The following HABP4 variants were observed in gnomAD, a reference collection of about 807,000 sequenced individuals.
HABP4 encodes intracellular hyaluronan-binding protein 4.
In HABP4, 32 loss-of-function variants were observed where a neutral mutation model predicts 44.1. That is an observed-to-expected ratio of 0.73 (90% CI 0.55 to 0.97). The LOEUF is 0.97. HABP4 is among the 50% of genes least tolerant of loss of function. HABP4 has a pLI of 0.00. For synonymous variants in HABP4, 216 were observed against 218.0 expected (o/e 0.99, Z 0.08); for missense variants, 503 against 561.9 (o/e 0.90, Z 1.06).
At chr9:96,485,105 T>C (rs1169119017) in intron 6 of HABP4, among the ~76,000 whole-genome samples, 1 of 151,764 alleles carries the variant, frequency 6.6e-6, no homozygotes, top group Non-Finnish European at 1.5e-5. Context: ...CAGGCTGGAG[T>C]GCAGTGGCGC....
At chr9:96,468,472 G>A (rs2131135654) in intron 4 of HABP4, among the ~76,000 whole-genome samples, 1 of 152,110 alleles carries the variant, frequency 6.6e-6, no homozygotes, top group East Asian at 1.9e-4. Flanking sequence ...TGTTAGCCAG[G>A]ATGGTCTCAA....
intron 2 of HABP4, among the ~76,000 whole-genome samples, chr9:96,464,091 C>G (rs1468170345): frequency 2.0e-5 from 3 of 152,152 alleles, no homozygotes. Flanking sequence ...GTCCTGGGTC[C>G]AGGCTCTGAT....
intron 6 of HABP4, among the ~76,000 whole-genome samples, chr9:96,487,111 A>C (rs1172181344): frequency 6.6e-6 from 1 of 151,996 alleles, no homozygotes; most frequent in Non-Finnish European, 1.5e-5. Context: ...GCTTTATTTT[A>C]ACCTGAGACC....
At chr9:96,461,305 G>C (rs993481155) in intron 2 of HABP4, among the ~76,000 whole-genome samples, 1 of 152,032 alleles carries the variant, frequency 6.6e-6, no homozygotes, top group African/African-American at 2.4e-5. Flanking sequence ...TAATAATGGG[G>C]GGAGGGTAAA....
intron 5 of HABP4, among the ~76,000 whole-genome samples, chr9:96,477,266 A>G (rs1433878548): frequency 2.0e-5 from 3 of 152,350 alleles, no homozygotes; most frequent in East Asian, 1.9e-4. Flanking sequence ...TGTCACAAGT[A>G]GGCTAAAGAA....
chr9:96,450,445 A>T lies in HABP4; in HGVS notation c.166A>T (p.Lys56Ter). The T allele has an allele frequency of 7.8e-7, 1 of 1,281,830 alleles. No homozygotes were observed. The allele number at this position is 1,281,830 out of a possible 1,614,324, so 79.4% of individuals were successfully genotyped here. Residue 56 changes from lysine (K) to a stop codon, truncating the protein, a stop_gained, in exon 1 of 8, where the codon AAG (lysine) becomes TAG (stop). Coordinates refer to ENST00000375249, the MANE Select transcript of HABP4 (RefSeq NM_014282.4). LOFTEE classifies it high-confidence loss of function. The surrounding 1 kb of genome is among the most constrained non-coding windows in gnomAD (Gnocchi z 4.8). Reference protein sequence around the residue: ...ERRRQQQLQRKRRDEAAAAAG... With the variant: ...ERRRQQQLQR ...CCGGCGCCAGCAGCAGCTGCAGCGC[A>T]AGAGGCGCGACGAGGCGGCGGCGGC...
Position 96,456,802 on chromosome 9 carries a change from T to A in HABP4, c.350-1577T>A, listed in dbSNP as rs1347149912. ...AAAAATATATATATATATATATATA[T>A]ATATATATATATATATATATCCATT... On this transcript the variant is annotated intron_variant, in intron 1 of 7. Coordinates refer to ENST00000375249, the MANE Select transcript of HABP4 (RefSeq NM_014282.4). 8.5e-4 allele frequency among the ~76,000 whole-genome samples: 103 copies of A among 121,256 alleles called. 2 individuals carry two copies. Among genetic ancestry groups the A allele is most frequent in the African/African-American group, 3.0e-3 (94 of 31,594 alleles). 79.5% of individuals were successfully genotyped at this position (121,256 alleles called of 152,430 possible). A position where few individuals can be genotyped will look rare whatever the true frequency, so the allele number is the denominator to read the frequency against.
chr9:96,458,475 G>T lies in HABP4; in HGVS notation c.446G>T (p.Arg149Met). 6.2e-7 allele frequency: 1 copy of T among 1,613,284 alleles called. No individual in the cohort carries two copies. The highest frequency in any genetic ancestry group is 8.5e-7 in the Non-Finnish European group (1 of 1,179,220). The change falls in exon 2 of 8, where the codon AGG (arginine) becomes ATG (methionine). Residue 149 changes from arginine (R) to methionine (M), a missense_variant. By Grantham distance (91) the Arg-to-Met change is moderately conservative. Transcript: ENST00000375249. Reference sequence around the variant, plus strand: ...GAAAGAGCTGAGCGGAGATCCTACAGGGAATACCGACCCTATGAGACAGAG... The same window carrying T: ...GAAAGAGCTGAGCGGAGATCCTACATGGAATACCGACCCTATGAGACAGAG... Reference protein sequence around the residue: ...MLERAERRSYREYRPYETERQ... With the variant: ...MLERAERRSYMEYRPYETERQ...
At chr9:96,455,605 A>G (rs113612756) in intron 1 of HABP4, among the ~76,000 whole-genome samples, 44 of 151,474 alleles carry the variant, frequency 2.9e-4, no homozygotes, top group African/African-American at 1.1e-3. Flanking sequence ...CTCTATTAAA[A>G]CTACAAAAAA....
rs1042513663 is a variant in HABP4, at chr9:96,488,810, C to T, written c.1185+536C>T. Among the ~76,000 whole-genome samples, 5 of 152,198 alleles carry T rather than the reference C, an allele frequency of 3.3e-5. No homozygotes were observed. The highest frequency in any genetic ancestry group is 4.8e-5 in the African/African-American group (2 of 41,446). On this transcript the variant is annotated intron_variant, in intron 7 of 7. Coordinates refer to ENST00000375249, the MANE Select transcript of HABP4 (RefSeq NM_014282.4). The surrounding 1 kb of genome is among the most constrained non-coding windows in gnomAD (Gnocchi z 4.6). ...TCCATTCATCCTTCCAGCCTCACTT[C>T]CTCACAGGTTTCTTTGATCACATCT...
intron 6 of HABP4, among the ~76,000 whole-genome samples, chr9:96,485,727 G>A (rs1361044689): frequency 6.6e-6 from 1 of 152,124 alleles, no homozygotes; most frequent in Non-Finnish European, 1.5e-5. Flanking sequence ...CCCATTATGG[G>A]ATTTAGAATC....
chr9:96,486,161 C>T (rs193263316), intron 6 of HABP4, among the ~76,000 whole-genome samples: 5 of 152,236 alleles, frequency 3.3e-5, no homozygotes, highest in African/African-American at 1.2e-4. Context: ...CATTGCACTC[C>T]AGCCTGGGCA....
chr9:96,486,667 T>G (rs1305595784), intron 6 of HABP4, among the ~76,000 whole-genome samples: 1 of 151,972 alleles, frequency 6.6e-6, no homozygotes, highest in African/African-American at 2.4e-5. Flanking sequence ...TAGCTAGGAA[T>G]TGTTCTTAAA....
chr9:96,480,743 C>G (rs1832862526), intron 5 of HABP4, among the ~76,000 whole-genome samples: 1 of 152,160 alleles, frequency 6.6e-6, no homozygotes, highest in African/African-American at 2.4e-5. Context: ...AATGTATATA[C>G]TATGAAATGT....
rs1242437281 is a variant in HABP4 at position 96,490,452 on chromosome 9, G to A, written c.*414G>A. On this transcript the variant is annotated 3_prime_UTR_variant, in exon 8 of 8. Coordinates refer to ENST00000375249, the MANE Select transcript of HABP4 (RefSeq NM_014282.4). The stretch of plus-strand genomic sequence containing the variant: ...ATAGAGCTGGAACTGTTAATGGAAA[G>A]CAGTCACAGCTGAGTTTTCGGAGAC... The A allele has an allele frequency of 6.2e-6, 1 of 160,774 alleles. No individual in the cohort carries two copies. The highest frequency in any genetic ancestry group is 1.8e-4 in the East Asian group (1 of 5,628). The allele number at this position is 160,774 out of a possible 1,614,324, so 10.0% of individuals were successfully genotyped here.
intron 4 of HABP4, among the ~76,000 whole-genome samples, chr9:96,470,574 T>A (rs1009876501): frequency 1.3e-5 from 2 of 152,120 alleles, no homozygotes; most frequent in Admixed American, 1.3e-4. Flanking sequence ...TTATTGTAGT[T>A]CAATTTGTGG....
intron 5 of HABP4, among the ~76,000 whole-genome samples, chr9:96,482,139 C>T (rs1357268856): frequency 6.6e-6 from 1 of 152,014 alleles, no homozygotes; most frequent in East Asian, 1.9e-4. Flanking sequence ...GGGGTTTCAC[C>T]GTATTGGCCA....
At chr9:96,473,152 A>G (rs1361976082) in intron 5 of HABP4, among the ~76,000 whole-genome samples, 3 of 152,046 alleles carry the variant, frequency 2.0e-5, no homozygotes, top group African/African-American at 7.2e-5. Flanking sequence ...CTAACTCTGG[A>G]ATATGTATCT....
At chr9:96,472,452 T>C (rs1832714238) in intron 5 of HABP4, among the ~76,000 whole-genome samples, 1 of 152,144 alleles carries the variant, frequency 6.6e-6, no homozygotes, top group Non-Finnish European at 1.5e-5. Context: ...ACAGAGTAAT[T>C]ATGATCCATT....
Sources: allele counts gnomAD v4.1 joint callset (sites outside exome capture counted in the v4.1 genomes callset), GRCh38; gene constraint gnomAD v4.1.1; non-coding constraint Gnocchi (gnomAD v3.1); transcripts MANE v1.5; gene names NCBI Gene and HGNC (gene_info 2026-07-23, HGNC 2026-07-21).